Variants in ZNF385D observed in about 807,000 individuals in gnomAD.
ZNF385D encodes the protein zinc finger protein 385D.
Under a neutral mutation model 35.8 loss-of-function variants are expected in ZNF385D, and 15 were observed. The ratio of observed to expected loss-of-function variants is 0.42; its 90% CI spans 0.28 to 0.64. The LOEUF (loss-of-function observed/expected upper bound fraction) is 0.64. Among genes scored for constraint, ZNF385D ranks in the 30% least tolerant of loss-of-function variants. The probability of loss-of-function intolerance (pLI) is 0.23; values close to 1 mark genes in which losing one functional copy is unlikely to be tolerated. For missense variants in ZNF385D, 474 were observed against 494.6 expected (o/e 0.96, Z 0.39); for synonymous variants, 212 against 186.8 (o/e 1.13, Z -1.10).
intron 3 of ZNF385D, among the ~76,000 whole-genome samples, chr3:21,553,619 A>C (rs2062636433): frequency 6.6e-6 from 1 of 152,176 alleles, no homozygotes; most frequent in African/African-American, 2.4e-5. Flanking sequence ...CTCTTTTCAC[A>C]AAATATTTCT....
chr3:21,576,736 C>T (rs186416872), intron 2 of ZNF385D, among the ~76,000 whole-genome samples: 57 of 152,134 alleles, frequency 3.7e-4, no homozygotes, highest in Non-Finnish European at 6.5e-4. Context: ...TGAAACTTCT[C>T]ACTTTATAAA....
intron 2 of ZNF385D, among the ~76,000 whole-genome samples, chr3:22,190,152 G>C (rs1344712454): frequency 6.6e-6 from 1 of 152,146 alleles, no homozygotes; most frequent in Non-Finnish European, 1.5e-5. Context: ...CTGCTGAGGA[G>C]TAATTTCTAA....
chr3:21,683,231 C>T (rs868039922), intron 1 of ZNF385D, among the ~76,000 whole-genome samples: 2 of 149,786 alleles, frequency 1.3e-5, no homozygotes, highest in Non-Finnish European at 3.0e-5. Context: ...CTATGACAAC[C>T]CCCAAGATTT....
chr3:21,687,959 G>T (rs1245076613), intron 1 of ZNF385D, among the ~76,000 whole-genome samples: 1 of 151,902 alleles, frequency 6.6e-6, no homozygotes, highest in East Asian at 1.9e-4. Context: ...CAGTAGCACG[G>T]TCACAGCTTA....
chr3:22,098,138 C>G (rs988699177), intron 3 of ZNF385D, among the ~76,000 whole-genome samples: 1 of 151,972 alleles, frequency 6.6e-6, no homozygotes, highest in African/African-American at 2.4e-5. Flanking sequence ...GAATTTTCTC[C>G]TAGCTTTTCA....
At chr3:21,757,219 C>A (rs1238174088) in intron 3 of ZNF385D, among the ~76,000 whole-genome samples, 1 of 146,834 alleles carries the variant, frequency 6.8e-6, no homozygotes, top group Non-Finnish European at 1.5e-5. Flanking sequence ...ACAACCTCTG[C>A]CTCCTGGGTT....
chr3:21,651,736 G>A (rs2065920335), intron 2 of ZNF385D, among the ~76,000 whole-genome samples: 1 of 152,098 alleles, frequency 6.6e-6, no homozygotes, highest in African/African-American at 2.4e-5. Flanking sequence ...GCTTCTAAAA[G>A]TCAACTCTTC....
At chr3:21,424,200 C>T (rs934127821) in intron 6 of ZNF385D, 136 bp from the exon 7 acceptor site, 2 of 622,670 alleles carry the variant, frequency 3.2e-6, no homozygotes, top group African/African-American at 4.1e-5. Context: ...AGATCATGCA[C>T]TTTTGTCCTG....
chr3:21,873,537 G>A (rs917355319), intron 3 of ZNF385D, among the ~76,000 whole-genome samples: 16 of 151,986 alleles, frequency 1.1e-4, no homozygotes, highest in African/African-American at 3.9e-4. Flanking sequence ...TGTACAGTAT[G>A]GTATTCTTAA....
intron 2 of ZNF385D, among the ~76,000 whole-genome samples, chr3:21,622,157 T>C (rs1902754): frequency 0.12 from 18,220 of 152,050 alleles, 1,296 homozygotes; most frequent in East Asian, 0.29. Flanking sequence ...TCCCTTAGCT[T>C]TTATCCTAGA....
chr3:21,670,647 G>GCCCCCCC lies in ZNF385D; in HGVS notation c.23-5620_23-5619insGGGGGGG, dbSNP rs1575432248. Reference sequence around the variant, plus strand: ...CTGAGAAATAAAAATGAAATCCTAAGGCGCCCCCCCCCCCCCCCCCCCCCC... The same window carrying GCCCCCCC: ...CTGAGAAATAAAAATGAAATCCTAAGCCCCCCCGCGCCCCCCCCCCCCCCCCCCCCCC... On this transcript the variant is annotated intron_variant, in intron 1 of 7. Transcript: ENST00000281523. Among the ~76,000 whole-genome samples, 11 of 15,758 alleles carry GCCCCCCC rather than the reference G, an allele frequency of 7.0e-4. 2 individuals carry two copies. The highest frequency in any genetic ancestry group is 4.1e-3 in the South Asian group (1 of 246). The allele number at this position is 15,758 out of a possible 152,430, so 10.3% of individuals were successfully genotyped here. A position where few individuals can be genotyped will look rare whatever the true frequency, so the allele number is the denominator to read the frequency against.
chr3:22,216,957 G>A (rs983546318), intron 2 of ZNF385D, among the ~76,000 whole-genome samples: 2 of 152,114 alleles, frequency 1.3e-5, no homozygotes, highest in Non-Finnish European at 2.9e-5. Context: ...AGAAGTGCCT[G>A]CCAAGTAGAA....
At chr3:21,636,004 G>T (rs994388182) in intron 2 of ZNF385D, among the ~76,000 whole-genome samples, 1 of 152,008 alleles carries the variant, frequency 6.6e-6, no homozygotes, top group Non-Finnish European at 1.5e-5. Context: ...ATTGCAAATT[G>T]TGCTGCTGTA....
intron 3 of ZNF385D, among the ~76,000 whole-genome samples, chr3:21,952,912 G>A (rs772635058): frequency 1.3e-5 from 2 of 151,912 alleles, no homozygotes; most frequent in Admixed American, 6.6e-5. Flanking sequence ...AAATGTTCAC[G>A]GTCTATAAAC....
chr3:22,287,997 A>G (rs1702112947), intron 2 of ZNF385D, among the ~76,000 whole-genome samples: 1 of 151,960 alleles, frequency 6.6e-6, no homozygotes, highest in Non-Finnish European at 1.5e-5. Context: ...TCATCTCTTC[A>G]TCTTTGAAAG....
At chr3:21,785,253 A>G (rs2071642474) in intron 3 of ZNF385D, among the ~76,000 whole-genome samples, 1 of 152,176 alleles carries the variant, frequency 6.6e-6, no homozygotes, top group Non-Finnish European at 1.5e-5. Flanking sequence ...GGAATAATTG[A>G]CCATTAAAAA....
At chr3:22,219,498 T>A (rs1467637976) in intron 2 of ZNF385D, among the ~76,000 whole-genome samples, 1 of 152,138 alleles carries the variant, frequency 6.6e-6, no homozygotes, top group African/African-American at 2.4e-5. Context: ...TAGAATTTAA[T>A]AAAGCTGTTT....
chr3:22,089,071 C>G (rs1480998350), intron 3 of ZNF385D, among the ~76,000 whole-genome samples: 1 of 152,054 alleles, frequency 6.6e-6, no homozygotes, highest in Non-Finnish European at 1.5e-5. Context: ...GCAAAAATAA[C>G]CAAGAAAAAG....
chr3:21,827,235 C>G (rs568080803), intron 3 of ZNF385D, among the ~76,000 whole-genome samples: 2 of 152,268 alleles, frequency 1.3e-5, no homozygotes, highest in African/African-American at 4.8e-5. Flanking sequence ...GACAGTCCTT[C>G]ATGAAGACAT....
Sources: gnomAD v4.1 joint callset for allele counts (sites outside exome capture counted in the v4.1 genomes callset) on GRCh38, gnomAD v4.1.1 for gene constraint, MANE v1.5 for transcripts, NCBI Gene and HGNC (gene_info 2026-07-23, HGNC 2026-07-21) for gene names.